The following TRRAP variants were observed in gnomAD, a reference collection of about 807,000 sequenced individuals.
TRRAP encodes transformation/transcription domain associated protein.
Under a neutral mutation model 438.8 loss-of-function variants are expected in TRRAP, and 41 were observed. That is an observed-to-expected ratio of 0.09 (90% CI 0.07 to 0.12). TRRAP has a LOEUF of 0.12. Among genes scored for constraint, TRRAP ranks in the 10% least tolerant of loss-of-function variants. TRRAP has a pLI of 1.00. For missense variants in TRRAP, 3,122 were observed against 5,055.1 expected (o/e 0.62, Z 11.60); for synonymous variants, 1,994 against 1,962.9 (o/e 1.02, Z -0.42).
Position 98,948,169 on chromosome 7 carries a change from G to A in TRRAP, c.4549-52G>A. ...AGGGTCTGTAGTGACGTTGACCTCT[G>A]TCACTTGCAAAATTAATCGACCTGT... On this transcript the variant is annotated intron_variant, in intron 33 of 72. Coordinates refer to ENST00000456197, the MANE Select transcript of TRRAP (RefSeq NM_001375524.1). The surrounding 1 kb of genome is among the most constrained non-coding windows in gnomAD (Gnocchi z 4.9). The A allele has an allele frequency of 6.2e-7, 1 of 1,609,538 alleles. No individual in the cohort carries two copies. Among genetic ancestry groups the A allele is most frequent in the East Asian group, 2.2e-5 (1 of 44,880 alleles).
chr7:98,981,639 C>A, intron 58 of TRRAP, 130 bp from the exon 59 acceptor site: 2 of 885,280 alleles, frequency 2.3e-6, no homozygotes, highest in Non-Finnish European at 3.4e-6. Flanking sequence ...AAATACATTT[C>A]TATAGCCTAA....
chr7:98,933,436 G>T (rs1554413454), intron 27 of TRRAP, 34 bp downstream of exon 27: 2 of 1,592,636 alleles, frequency 1.3e-6, no homozygotes, highest in Non-Finnish European at 1.7e-6. Context: ...GGTGTGGATG[G>T]TGATGACGTG....
chr7:98,931,671 A>G lies in TRRAP; in HGVS notation c.3852+6A>G. The G allele has an allele frequency of 6.2e-7, 1 of 1,607,768 alleles. No homozygotes were observed. The highest frequency in any genetic ancestry group is 8.5e-7 in the Non-Finnish European group (1 of 1,174,818). On this transcript the variant is annotated splice_donor_region_variant and intron_variant, in intron 26 of 72. Coordinates refer to ENST00000456197, the MANE Select transcript of TRRAP (RefSeq NM_001375524.1). ...TCATGGAACCCCACAAAGAGGTGAG[A>G]TTTCTGTCACCAGAACCAAGGTAAT...
chr7:99,010,436 G>C (rs574247234), intron 70 of TRRAP, among the ~76,000 whole-genome samples: 1 of 152,234 alleles, frequency 6.6e-6, no homozygotes, highest in Admixed American at 6.5e-5. Flanking sequence ...AGAAGGGCCT[G>C]CTTTCTCACA....
In TRRAP at chr7:98,910,217, T is replaced by TCCC; in HGVS notation, c.1512_1513insCCC (p.Pro504dup). On this transcript the variant is annotated inframe_insertion, in exon 15 of 73. Coordinates refer to ENST00000456197, the MANE Select transcript of TRRAP (RefSeq NM_001375524.1). ...CTGCTCCCTCCCCAGCCCCTGTCCC[T>TCCC]GCCCCACCTCCACCCCCGCCCCCAC... The TCCC allele has an allele frequency of 9.6e-7, 1 of 1,045,584 alleles. No individual in the cohort carries two copies. The highest frequency in any genetic ancestry group is 1.2e-6 in the Non-Finnish European group (1 of 806,028). The allele number at this position is 1,045,584 out of a possible 1,614,324, so 64.8% of individuals were successfully genotyped here. A position where few individuals can be genotyped will look rare whatever the true frequency, so the allele number is the denominator to read the frequency against.
intron 18 of TRRAP, among the ~76,000 whole-genome samples, chr7:98,913,864 T>A (rs1584303684): frequency 6.6e-6 from 1 of 152,268 alleles, no homozygotes; most frequent in East Asian, 1.9e-4. Flanking sequence ...AATAAAAACC[T>A]TATAAAAATG....
At chr7:98,944,909 A>G (rs1194276961) in intron 31 of TRRAP, among the ~76,000 whole-genome samples, 1 of 151,896 alleles carries the variant, frequency 6.6e-6, no homozygotes, top group East Asian at 1.9e-4. Flanking sequence ...GGTTCAAGCT[A>G]TTCTCCTGCC....
chr7:98,904,352 G>A (rs1365953436), intron 12 of TRRAP, among the ~76,000 whole-genome samples: 1 of 151,728 alleles, frequency 6.6e-6, no homozygotes, highest in Non-Finnish European at 1.5e-5. Context: ...GCGTGGTGGC[G>A]GGCACCTGTA....
At chr7:98,937,598 A>G in intron 29 of TRRAP, 52 bp from the exon 30 acceptor site, 3 of 1,539,998 alleles carry the variant, frequency 1.9e-6, no homozygotes, top group Non-Finnish European at 2.6e-6. Flanking sequence ...CTGTTCTATT[A>G]TGAAGTGTCC....
chr7:98,951,057 ATC>A, intron 39 of TRRAP, 53 bp downstream of exon 39: 4 of 662,206 alleles, frequency 6.0e-6, no homozygotes, highest in African/African-American at 2.4e-5. Context: ...GTGGATGAAC[ATC>A]TGTGTGTGTG....
In TRRAP at chr7:98,898,394, A is replaced by G. The variant is rs1350683894; in HGVS notation, c.633+528A>G. 3.9e-5 allele frequency among the ~76,000 whole-genome samples: 6 copies of G among 152,226 alleles called. No individual in the cohort carries two copies. The East Asian group carries it at 9.6e-4, about 24-fold the overall frequency. On this transcript the variant is annotated intron_variant, in intron 8 of 72. Transcript: ENST00000456197. ...GCATGGTCCGCAGGTAATGTATCGT[A>G]TATTTGTGGTGTCTGCCACATAGGT... is the stretch of plus-strand genomic sequence containing the variant.
At chr7:98,917,350 C>CT in intron 19 of TRRAP, 73 bp from the exon 20 acceptor site, 2 of 1,564,030 alleles carry the variant, frequency 1.3e-6, no homozygotes, top group Non-Finnish European at 1.7e-6. Context: ...AGGGGCAGTT[C>CT]TTTTGTGTGT....
rs1794493183 is a variant in TRRAP, at chr7:99,013,105, G to A, written c.*750G>A. 1 of 152,154 alleles carries A rather than the reference G, an allele frequency of 6.6e-6. No individual in the cohort carries two copies. The highest frequency in any genetic ancestry group is 1.5e-5 in the Non-Finnish European group (1 of 68,014). 9.4% of individuals were successfully genotyped at this position (152,154 alleles called of 1,614,324 possible). A position where few individuals can be genotyped will look rare whatever the true frequency, so the allele number is the denominator to read the frequency against. ...CACTTTTACCTTCCTAATTTAAAAA[G>A]ACAAAACAGAAATGTACGTTCCTTC... On this transcript the variant is annotated 3_prime_UTR_variant, in exon 73 of 73. Transcript: ENST00000456197.
chr7:98,929,824 T>C (rs1790238007), intron 23 of TRRAP, among the ~76,000 whole-genome samples, 165 bp from the exon 24 acceptor site: 1 of 152,002 alleles, frequency 6.6e-6, no homozygotes, highest in African/African-American at 2.4e-5. Context: ...CAAACTTCTA[T>C]GTCAAGTGAT....
intron 21 of TRRAP, among the ~76,000 whole-genome samples, chr7:98,922,329 C>T (rs1432532270): frequency 2.0e-5 from 3 of 152,182 alleles, no homozygotes; most frequent in Admixed American, 6.5e-5. Context: ...AAACGCAGCT[C>T]GCACTGTCTC....
rs1554406290 is a variant in TRRAP, at chr7:98,899,479, A to G, written c.691A>G (p.Ile231Val). The G allele has an allele frequency of 6.2e-7, 1 of 1,614,134 alleles. No homozygotes were observed. Among genetic ancestry groups the G allele is most frequent in the Non-Finnish European group, 8.5e-7 (1 of 1,180,004 alleles). The change falls in exon 9 of 73, where the codon ATT (isoleucine) becomes GTT (valine). Residue 231 changes from isoleucine (I) to valine (V), a missense_variant. Ile to Val is a conservative substitution (Grantham distance 29). Around this residue, in one of 24 missense-constraint regions of TRRAP, gnomAD observed 343 missense variants for 564.0 expected, o/e 0.61. Coordinates refer to ENST00000456197, the MANE Select transcript of TRRAP (RefSeq NM_001375524.1). ...GAAAGTGTTGGCAGAATTGCCCATT[A>G]TTGTTGTTTTAATGTATCAGGTATG... ...SLKVLAELPIIVVLMYQLYKL... is the reference protein window; with the variant it reads ...SLKVLAELPIVVVLMYQLYKL...
rs188710667 is a variant in TRRAP, at chr7:98,998,010, G to A, written c.10309+3162G>A. Among the ~76,000 whole-genome samples the A allele has an allele frequency of 1.3e-4, 20 of 152,258 alleles. No homozygotes were observed. In the East Asian group the frequency reaches 2.3e-3, roughly 18 times the overall value. ...CCATCCAGTCGGTTACAGACTAAAC[G>A]GCTCCCTCCAAAGAGGACTGACTTG... On this transcript the variant is annotated intron_variant, in intron 67 of 72. Transcript: ENST00000456197.
intron 51 of TRRAP, among the ~76,000 whole-genome samples, chr7:98,968,941 C>T (rs922181915): frequency 4.6e-5 from 7 of 152,162 alleles, no homozygotes; most frequent in Non-Finnish European, 7.4e-5. Flanking sequence ...CAAAGACAGA[C>T]GACATATTGG....
chr7:98,882,130 T>C, intron 3 of TRRAP, 106 bp downstream of exon 3: 1 of 965,006 alleles, frequency 1.0e-6, no homozygotes, highest in East Asian at 2.6e-5. Context: ...GATCATTGTC[T>C]TTGTTCAAGT....
Sources: allele counts gnomAD v4.1 joint callset (sites outside exome capture counted in the v4.1 genomes callset), GRCh38; gene constraint gnomAD v4.1.1; regional missense constraint gnomAD v4.1.1; non-coding constraint Gnocchi (gnomAD v3.1); transcripts MANE v1.5; gene names NCBI Gene and HGNC (gene_info 2026-07-23, HGNC 2026-07-21).